The following HSF2BP variants were observed in gnomAD, a reference collection of about 807,000 sequenced individuals.
HSF2BP encodes the protein heat shock factor 2-binding protein.
HSF2BP carries 35 observed loss-of-function variants against 35.0 expected under a neutral mutation model. That is an observed-to-expected ratio of 1.00 (90% CI 0.76 to 1.32). The LOEUF (loss-of-function observed/expected upper bound fraction) is 1.32, where lower values mean the gene tolerates loss of function less well. HSF2BP is among the 40% of genes most tolerant of loss of function. HSF2BP has a pLI of 0.00. For missense variants in HSF2BP, 326 were observed against 321.7 expected (o/e 1.01, Z -0.10); for synonymous variants, 114 against 117.4 (o/e 0.97, Z 0.18).
intron 4 of HSF2BP, among the ~76,000 whole-genome samples, chr21:43,641,203 G>A (rs1351510628): frequency 6.6e-6 from 1 of 152,116 alleles, no homozygotes; most frequent in Non-Finnish European, 1.5e-5. Context: ...GTTTCACCGT[G>A]TTAGCCAGAA....
intron 3 of HSF2BP, 39 bp from the exon 4 acceptor site, chr21:43,644,431 T>C: frequency 6.8e-7 from 1 of 1,472,074 alleles, no homozygotes; most frequent in Non-Finnish European, 9.5e-7. Flanking sequence ...ATATTTCAAG[T>C]CACTAATCTC....
chr21:43,630,430 T>C lies in HSF2BP; in HGVS notation c.466A>G (p.Ile156Val), dbSNP rs769190824. ...GGDKALKFFSITGQTMESFVK... is the reference protein window; with the variant it reads ...GGDKALKFFSVTGQTMESFVK... ...AAACTCTCCATTGTTTGACCAGTGA[T>C]GCTGAAAAACTTCAAAGCTTTATCC... The change falls in exon 6 of 9, where the codon ATC becomes GTC. Residue 156 changes from isoleucine to valine, a missense_variant. Ile to Val is a conservative substitution (Grantham distance 29). Transcript: ENST00000291560. 1.2e-6 allele frequency: 2 copies of C among 1,612,590 alleles called. No individual in the cohort carries two copies. The highest frequency in any genetic ancestry group is 2.2e-5 in the East Asian group (1 of 44,790).
chr21:43,629,711 A>T (rs2082430846), intron 6 of HSF2BP, among the ~76,000 whole-genome samples: 1 of 152,234 alleles, frequency 6.6e-6, no homozygotes, highest in African/African-American at 2.4e-5. Flanking sequence ...GTTGCTTCTT[A>T]TGGAAGAACA....
intron 7 of HSF2BP, among the ~76,000 whole-genome samples, chr21:43,595,256 TAAAA>T (rs201262102): frequency 1.4e-5 from 2 of 147,136 alleles, no homozygotes; most frequent in Admixed American, 1.4e-4. Flanking sequence ...AGTGAGACTC[TAAAA>T]AAAAAAGTTT....
chr21:43,654,248 A>G (rs2082835620), intron 3 of HSF2BP, among the ~76,000 whole-genome samples: 1 of 152,202 alleles, frequency 6.6e-6, no homozygotes, highest in African/African-American at 2.4e-5. Context: ...GTTCTTTGAA[A>G]TTATACAAGT....
chr21:43,635,506 G>A (rs929151481), intron 4 of HSF2BP, among the ~76,000 whole-genome samples: 2 of 152,158 alleles, frequency 1.3e-5, no homozygotes, highest in African/African-American at 4.8e-5. Flanking sequence ...GTGAAACACT[G>A]ACATGTCAAC....
At chr21:43,641,848 G>A (rs2082640628) in intron 4 of HSF2BP, among the ~76,000 whole-genome samples, 1 of 151,466 alleles carries the variant, frequency 6.6e-6, no homozygotes, top group Non-Finnish European at 1.5e-5. Context: ...TCCAGGAGGT[G>A]GAGGTTGCAG....
At chr21:43,602,322 C>G (rs1018941416) in intron 7 of HSF2BP, among the ~76,000 whole-genome samples, 1 of 152,216 alleles carries the variant, frequency 6.6e-6, no homozygotes, top group Non-Finnish European at 1.5e-5. Context: ...CTATTCCAGA[C>G]GAATTCTTTG....
chr21:43,590,717 AAAT>A (rs2081914935), intron 8 of HSF2BP, among the ~76,000 whole-genome samples: 1 of 152,236 alleles, frequency 6.6e-6, no homozygotes. Context: ...ATGGATCTCA[AAAT>A]AATTATGCTG....
At chr21:43,581,962 T>G (rs1195386193) in intron 8 of HSF2BP, among the ~76,000 whole-genome samples, 1 of 96,946 alleles carries the variant, frequency 1.0e-5, no homozygotes, top group Non-Finnish European at 2.0e-5. Context: ...CTGTGGGAGA[T>G]GAGGGCCTGC....
chr21:43,648,328 T>C (rs2082737090), intron 3 of HSF2BP, among the ~76,000 whole-genome samples: 2 of 152,134 alleles, frequency 1.3e-5, no homozygotes, highest in South Asian at 2.1e-4. Flanking sequence ...GGATGGGACA[T>C]GTCTCCCCAC....
the HSF2BP span, among the ~76,000 whole-genome samples, chr21:43,468,171 C>CCTCACTCACCACA: frequency 0.012 from 3 of 242 alleles, 1 homozygote; most frequent in Non-Finnish European, 0.045. Context: ...NNNNNNNNNN[C>CCTCACTCACCACA]TACACATCAC....
chr21:43,655,993 C>T (rs1314255861), intron 3 of HSF2BP, among the ~76,000 whole-genome samples: 1 of 152,184 alleles, frequency 6.6e-6, no homozygotes, highest in Non-Finnish European at 1.5e-5. Flanking sequence ...TGGCCTTTAC[C>T]GTCAAAGGCT....
intron 8 of HSF2BP, among the ~76,000 whole-genome samples, chr21:43,588,313 A>G (rs777651579): frequency 4.6e-5 from 7 of 152,070 alleles, no homozygotes; most frequent in Non-Finnish European, 7.4e-5. Flanking sequence ...AGGAGGCGGA[A>G]GTTGCAGTGA....
intron 7 of HSF2BP, among the ~76,000 whole-genome samples, chr21:43,592,731 T>C (rs1040675007): frequency 6.6e-6 from 1 of 152,220 alleles, no homozygotes; most frequent in African/African-American, 2.4e-5. Flanking sequence ...TTTCATTCAA[T>C]GAACATTACG....
At chr21:43,639,241 T>C (rs765404364) in intron 4 of HSF2BP, among the ~76,000 whole-genome samples, 1 of 152,200 alleles carries the variant, frequency 6.6e-6, no homozygotes, top group Non-Finnish European at 1.5e-5. Context: ...CCTAGAGCTA[T>C]GTGAAAAATT....
chr21:43,629,727 A>T (rs2082431101), intron 6 of HSF2BP, among the ~76,000 whole-genome samples: 1 of 152,228 alleles, frequency 6.6e-6, no homozygotes, highest in African/African-American at 2.4e-5. Context: ...GAACAAAGAA[A>T]GTGGTTTCTT....
At chr21:43,595,732 T>TTTTTTTTTTTTTTTTTTTTTTTTTTTC (rs2081977665) in intron 7 of HSF2BP, among the ~76,000 whole-genome samples, 1 of 88,386 alleles carries the variant, frequency 1.1e-5, no homozygotes, top group African/African-American at 7.6e-5. Context: ...GCTAATTTTT[T>TTTTTTTTTTTTTTTTTTTTTTTTTTTC]TTTTTTTTTT....
At chr21:43,588,535 T>C (rs546574162) in intron 8 of HSF2BP, among the ~76,000 whole-genome samples, 8 of 152,200 alleles carry the variant, frequency 5.3e-5, no homozygotes, top group Middle Eastern at 3.4e-3. Context: ...CCCATAACTA[T>C]ATAACCTTGG....
Sources: gnomAD v4.1 joint callset for allele counts (sites outside exome capture counted in the v4.1 genomes callset) on GRCh38, gnomAD v4.1.1 for gene constraint, MANE v1.5 for transcripts, NCBI Gene and HGNC (gene_info 2026-07-23, HGNC 2026-07-21) for gene names.